The following PACRG variants were observed in gnomAD, a reference collection of about 807,000 sequenced individuals.
PACRG encodes the protein parkin coregulated, also known as parkin coregulated gene protein.
Under a neutral mutation model 29.7 loss-of-function variants are expected in PACRG, and 29 were observed. The observed-to-expected ratio is 0.98, with a 90% CI of 0.73 to 1.33. The LOEUF (loss-of-function observed/expected upper bound fraction) is 1.33. Ranked by LOEUF, PACRG falls within the 40% of genes most tolerant of loss-of-function variation. The probability of loss-of-function intolerance (pLI) is 0.00; values close to 1 mark genes in which losing one functional copy is unlikely to be tolerated. For synonymous variants in PACRG, 116 were observed against 118.7 expected (o/e 0.98, Z 0.15); for missense variants, 279 against 316.2 (o/e 0.88, Z 0.89).
At chr6:163,147,917 C>T (rs1777867253) in intron 4 of PACRG, among the ~76,000 whole-genome samples, 1 of 152,206 alleles carries the variant, frequency 6.6e-6, no homozygotes, top group Non-Finnish European at 1.5e-5. Flanking sequence ...CATTCACTGC[C>T]TGTTTCTTCA....
chr6:163,210,531 G>A (rs1022775162), intron 4 of PACRG, among the ~76,000 whole-genome samples: 5 of 152,198 alleles, frequency 3.3e-5, no homozygotes, highest in African/African-American at 7.2e-5. Context: ...ATTTCTATGG[G>A]CTGAGGACCA....
intron 2 of PACRG, among the ~76,000 whole-genome samples, chr6:162,876,307 C>T (rs1250532704): frequency 1.3e-5 from 2 of 152,214 alleles, no homozygotes; most frequent in Non-Finnish European, 2.9e-5. Context: ...CACTGGAAAC[C>T]ATCACTCTCT....
At chr6:162,765,686 A>G (rs1370806627) in intron 1 of PACRG, among the ~76,000 whole-genome samples, 1 of 152,222 alleles carries the variant, frequency 6.6e-6, no homozygotes, top group Non-Finnish European at 1.5e-5. Flanking sequence ...AAAATTTTGT[A>G]GAACATTTCT....
rs1783946204 is a variant in PACRG at position 163,274,221 on chromosome 6, T to G, written c.614-40606T>G. 1.9e-4 allele frequency among the ~76,000 whole-genome samples: 29 copies of G among 152,308 alleles called. 1 individual carries two copies. In the South Asian group the frequency reaches 6.0e-3, roughly 32 times the overall value. On this transcript the variant is annotated intron_variant, in intron 4 of 4. Transcript: ENST00000366888. ...ACAGGCCCTGGTGTGTGATGTTCTC[T>G]GCCCTGTGTCCAAATGTTCTCATTG... is the stretch of plus-strand genomic sequence containing the variant.
At chr6:162,754,542 C>T (rs536635610) in intron 1 of PACRG, among the ~76,000 whole-genome samples, 18 of 152,128 alleles carry the variant, frequency 1.2e-4, no homozygotes, top group African/African-American at 4.3e-4. Flanking sequence ...AATAACTGCC[C>T]AGACCAATGT....
intron 4 of PACRG, among the ~76,000 whole-genome samples, chr6:163,254,582 C>G: frequency 6.6e-6 from 1 of 152,296 alleles, no homozygotes; most frequent in Admixed American, 6.5e-5. Flanking sequence ...GTAGTTTGCT[C>G]TCCCCTTTAA....
At chr6:162,997,028 AG>A (rs2128192691) in intron 2 of PACRG, among the ~76,000 whole-genome samples, 1 of 152,294 alleles carries the variant, frequency 6.6e-6, no homozygotes, top group African/African-American at 2.4e-5. Flanking sequence ...TTAATGATTC[AG>A]TCATTTGTTT....
intron 4 of PACRG, among the ~76,000 whole-genome samples, chr6:163,247,684 A>T (rs1206634763): frequency 2.0e-5 from 3 of 152,112 alleles, no homozygotes; most frequent in Non-Finnish European, 4.4e-5. Context: ...AGTCATTTCT[A>T]TTAGGACCCC....
intron 2 of PACRG, among the ~76,000 whole-genome samples, chr6:163,027,938 C>T (rs1807297169): frequency 1.3e-5 from 2 of 152,194 alleles, no homozygotes; most frequent in South Asian, 2.1e-4. Context: ...CCCCACCAAC[C>T]ACCTTCAGCA....
At chr6:163,140,316 T>C (rs1373327414) in intron 4 of PACRG, among the ~76,000 whole-genome samples, 1 of 151,998 alleles carries the variant, frequency 6.6e-6, no homozygotes, top group Admixed American at 6.5e-5. Context: ...AGATCTCAGT[T>C]GAAAAGCAGT....
chr6:163,177,299 G>A (rs914580355), intron 4 of PACRG, among the ~76,000 whole-genome samples: 1 of 152,150 alleles, frequency 6.6e-6, no homozygotes, highest in Admixed American at 6.5e-5. Flanking sequence ...TTCTGGTAAT[G>A]AAGGAAAGTG....
At chr6:163,021,525 G>T (rs1806617341) in intron 2 of PACRG, among the ~76,000 whole-genome samples, 1 of 152,048 alleles carries the variant, frequency 6.6e-6, no homozygotes, top group Non-Finnish European at 1.5e-5. Flanking sequence ...CTCGCTCCAG[G>T]CTTGTCTCTT....
intron 1 of PACRG, among the ~76,000 whole-genome samples, chr6:162,791,812 C>T (rs766933352): frequency 3.0e-4 from 45 of 152,104 alleles, no homozygotes; most frequent in African/African-American, 9.4e-4. Flanking sequence ...AGTCATGGAA[C>T]GCTTTAGAAG....
At chr6:162,894,797 T>G (rs1795040832) in intron 2 of PACRG, among the ~76,000 whole-genome samples, 1 of 152,226 alleles carries the variant, frequency 6.6e-6, no homozygotes, top group African/African-American at 2.4e-5. Context: ...TGTGCATTTT[T>G]AGAGAGAACA....
chr6:163,146,973 A>G (rs900333257), intron 4 of PACRG, among the ~76,000 whole-genome samples: 16 of 152,158 alleles, frequency 1.1e-4, no homozygotes, highest in African/African-American at 3.9e-4. Flanking sequence ...ATGCTTCTAC[A>G]TTGCTCATCC....
intron 2 of PACRG, among the ~76,000 whole-genome samples, chr6:162,956,539 C>T (rs1330934083): frequency 6.6e-6 from 1 of 152,160 alleles, no homozygotes; most frequent in African/African-American, 2.4e-5. Context: ...CTCTGGAGGC[C>T]AGAAGTCTCA....
At chr6:163,195,110 AAGG>A (rs1412775151) in intron 4 of PACRG, among the ~76,000 whole-genome samples, 1 of 152,146 alleles carries the variant, frequency 6.6e-6, no homozygotes, top group Non-Finnish European at 1.5e-5. Flanking sequence ...ACCATGTCAA[AAGG>A]AGGTGATGTT....
At chr6:163,294,931 T>A (rs1435093953) in intron 4 of PACRG, among the ~76,000 whole-genome samples, 3 of 152,226 alleles carry the variant, frequency 2.0e-5, no homozygotes, top group Non-Finnish European at 2.9e-5. Flanking sequence ...GGTTTCCCTT[T>A]GATGTTTGGT....
chr6:163,303,380 GA>G (rs887223933), intron 4 of PACRG, among the ~76,000 whole-genome samples: 24 of 151,002 alleles, frequency 1.6e-4, no homozygotes, highest in Non-Finnish European at 2.8e-4. Context: ...CTCAATCACA[GA>G]AAAAAAAATC....
Sources: gnomAD v4.1 joint callset for allele counts (sites outside exome capture counted in the v4.1 genomes callset) on GRCh38, gnomAD v4.1.1 for gene constraint, MANE v1.5 for transcripts, NCBI Gene and HGNC (gene_info 2026-07-23, HGNC 2026-07-21) for gene names.